The following COL6A3 variants were observed in gnomAD, a reference collection of about 807,000 sequenced individuals.
The protein encoded by COL6A3 is collagen alpha-3(VI) chain.
In COL6A3, 137 loss-of-function variants were observed where a neutral mutation model predicts 274.1. The observed-to-expected ratio is 0.50, with a 90% CI of 0.44 to 0.58. COL6A3 has a LOEUF of 0.58. COL6A3 is among the 20% of genes least tolerant of loss of function. The pLI is 0.00. For synonymous variants in COL6A3, 1,650 were observed against 1,650.6 expected, an observed-to-expected ratio of 1.00 and a Z score of 0.01; for missense variants, 3,950 against 4,124.9, an observed-to-expected ratio of 0.96 and a Z score of 1.16.
chr2:237,351,731 C>A (rs551007481), intron 26 of COL6A3, among the ~76,000 whole-genome samples: 1 of 152,332 alleles, frequency 6.6e-6, no homozygotes, highest in Non-Finnish European at 1.5e-5. Flanking sequence ...AGCTTTGCAT[C>A]TATACCATCT....
At chr2:237,329,581 C>T (rs1700119046) in intron 42 of COL6A3, 1 of 152,212 alleles carries the variant, frequency 6.6e-6, no homozygotes, top group Admixed American at 6.5e-5. Flanking sequence ...CTTACTTCAG[C>T]TGTGGGATTA....
At chr2:237,330,974 A>G (rs149701964) in intron 42 of COL6A3, among the ~76,000 whole-genome samples, 1 of 152,368 alleles carries the variant, frequency 6.6e-6, no homozygotes, top group African/African-American at 2.4e-5. Flanking sequence ...TTCTTAAGAC[A>G]GCATCTTTTA....
chr2:237,385,222 C>A (rs1432753678), intron 4 of COL6A3, among the ~76,000 whole-genome samples: 2 of 152,166 alleles, frequency 1.3e-5, no homozygotes, highest in Non-Finnish European at 2.9e-5. Context: ...AACAGACGAG[C>A]AGCCACATCT....
In COL6A3 at chr2:237,387,666, C is replaced by A. The variant is rs35914491; in HGVS notation, c.1228G>T (p.Asp410Tyr). The A allele has an allele frequency of 4.3e-6, 7 of 1,613,674 alleles. No homozygotes were observed. The highest frequency in any genetic ancestry group is 5.9e-6 in the Non-Finnish European group (7 of 1,179,860). The change falls in exon 4 of 44, where the codon GAC becomes TAC. Residue 410 changes from aspartate to tyrosine, a missense_variant. Around this residue, in one of 5 missense-constraint regions of COL6A3, gnomAD observed 1,934 missense variants for 1,984.3 expected, o/e 0.97. Coordinates refer to ENST00000295550, the MANE Select transcript of COL6A3 (RefSeq NM_004369.4). ...FTVPEFRSFG[D>Y]LQEKLLPYIV... is the part of the protein sequence containing the mutation. ...TACGGCAGTAATTTCTCCTGGAGGT[C>A]CCCAAAGCTACGGAATTCCGGGACA... is the stretch of plus-strand genomic sequence containing the variant.
intron 2 of COL6A3, among the ~76,000 whole-genome samples, chr2:237,395,489 GT>G (rs921238605): frequency 6.6e-6 from 1 of 152,178 alleles, no homozygotes; most frequent in African/African-American, 2.4e-5. Context: ...TTCCTGGGCT[GT>G]CTTTAACTCA....
rs1259104647 is a variant in COL6A3, at chr2:237,341,158, G to C, written c.7766-8C>G. The C allele has an allele frequency of 6.2e-7, 1 of 1,613,488 alleles. No individual in the cohort carries two copies. On this transcript the variant is annotated splice_region_variant and splice_polypyrimidine_tract_variant and intron_variant, in intron 37 of 43. Coordinates refer to ENST00000295550, the MANE Select transcript of COL6A3 (RefSeq NM_004369.4). ...GGTCGATGTTGCAGATGTCTAGAAA[G>C]AAGCATGGCAGCCTATTTGTTCTGT...
chr2:237,358,257 A>G (rs2077361270), intron 21 of COL6A3, among the ~76,000 whole-genome samples: 1 of 152,222 alleles, frequency 6.6e-6, no homozygotes, highest in African/African-American at 2.4e-5. Flanking sequence ...TCTCTTTTCC[A>G]AAAGCAAATT....
rs1469391919 is a variant in COL6A3 at position 237,340,477 on chromosome 2, C to T, written c.8439G>A (p.Gly2813=). The stretch of plus-strand genomic sequence containing the variant: ...TGCTGACGAAGGATGGCAACAGCCT[C>T]CCGAAGCGCATCAAAGGCTCCTCGT... The part of the protein sequence containing the change: ...ELNEEPLMRF[G]RLLPSFVSSE... The change falls in exon 38 of 44, where the codon GGG becomes GGA. Residue 2813 remains glycine (G), a synonymous_variant. Coordinates refer to ENST00000295550, the MANE Select transcript of COL6A3 (RefSeq NM_004369.4). 6.2e-7 allele frequency: 1 copy of T among 1,613,614 alleles called. No homozygotes were observed. Among genetic ancestry groups the T allele is most frequent in the East Asian group, 2.2e-5 (1 of 44,876 alleles).
Position 237,324,709 on chromosome 2 carries a change from A to C in COL6A3, c.*65T>G. The C allele has an allele frequency of 2.7e-5, 40 of 1,503,756 alleles. No individual in the cohort carries two copies. The highest frequency in any genetic ancestry group is 3.5e-5 in the Non-Finnish European group (38 of 1,080,510). The allele number at this position is 1,503,756 out of a possible 1,614,324, so 93.2% of individuals were successfully genotyped here. On this transcript the variant is annotated 3_prime_UTR_variant, in exon 44 of 44. Coordinates refer to ENST00000295550, the MANE Select transcript of COL6A3 (RefSeq NM_004369.4). ...GGGAATCTACACCCGGAGCTTCTAC[A>C]GAGACAAGTTGGCGATGGCTGACTC...
chr2:237,333,334 CT>C, intron 42 of COL6A3, 115 bp downstream of exon 42: 11 of 924,308 alleles, frequency 1.2e-5, no homozygotes, highest in East Asian at 2.5e-5. Flanking sequence ...TGACGTGGAC[CT>C]TTTCCCCCAT....
intron 38 of COL6A3, among the ~76,000 whole-genome samples, chr2:237,339,859 C>T (rs1039310041): frequency 6.6e-6 from 1 of 152,130 alleles, no homozygotes; most frequent in East Asian, 1.9e-4. Flanking sequence ...ATAGGGTGTC[C>T]GGATTAACCA....
intron 1 of COL6A3, among the ~76,000 whole-genome samples, chr2:237,410,130 G>T (rs1456183542): frequency 6.6e-6 from 1 of 152,000 alleles, no homozygotes; most frequent in Non-Finnish European, 1.5e-5. Flanking sequence ...TGCTGAGATG[G>T]TCATCACTGA....
rs1208313581 is a variant in COL6A3 at position 237,413,242 on chromosome 2, G to C, written c.-31+711C>G. Among the ~76,000 whole-genome samples the C allele has an allele frequency of 6.6e-6, 1 of 152,222 alleles. No individual in the cohort carries two copies. Among genetic ancestry groups the C allele is most frequent in the African/African-American group, 2.4e-5 (1 of 41,468 alleles). On this transcript the variant is annotated intron_variant, in intron 1 of 43. Coordinates refer to ENST00000295550, the MANE Select transcript of COL6A3 (RefSeq NM_004369.4). The surrounding 1 kb of genome is among the most constrained non-coding windows in gnomAD (Gnocchi z 4.0). ...CCAGGGGCCCTGCCTTAGACACTCA[G>C]CATGCTGCCCAAATGCCCAATTCCT...
rs1294773363 is a variant in COL6A3, at chr2:237,405,815, G to T, written c.-31+8138C>A. 2.6e-5 allele frequency among the ~76,000 whole-genome samples: 4 copies of T among 152,090 alleles called. No homozygotes were observed. In the East Asian group the frequency reaches 7.7e-4, roughly 29 times the overall value. On this transcript the variant is annotated intron_variant, in intron 1 of 43. Transcript: ENST00000295550. ...CCCCATGCCTTTTGGGGAAAAAATA[G>T]ACTTCCTTGGTGGTGACACACCACA...
chr2:237,340,110 C>T (rs150292490), intron 38 of COL6A3, among the ~76,000 whole-genome samples: 1 of 152,306 alleles, frequency 6.6e-6, no homozygotes, highest in East Asian at 1.9e-4. Context: ...TCGCGACATG[C>T]CAGCCTATTA....
intron 7 of COL6A3, among the ~76,000 whole-genome samples, chr2:237,376,370 T>A (rs2077840432): frequency 6.6e-6 from 1 of 152,218 alleles, no homozygotes; most frequent in Non-Finnish European, 1.5e-5. Context: ...AATGAAGGAA[T>A]TATAACAATA....
At position 237,364,462 on chromosome 2, in the gene COL6A3, A is replaced by C; in HGVS notation, c.5839-34T>G. 3.9e-6 allele frequency: 6 copies of C among 1,532,680 alleles called. No homozygotes were observed. The highest frequency in any genetic ancestry group is 5.4e-6 in the Non-Finnish European group (6 of 1,106,414). 94.9% of individuals were successfully genotyped at this position (1,532,680 alleles called of 1,614,324 possible). A position where few individuals can be genotyped will look rare whatever the true frequency, so the allele number is the denominator to read the frequency against. On this transcript the variant is annotated intron_variant, in intron 12 of 43. Coordinates refer to ENST00000295550, the MANE Select transcript of COL6A3 (RefSeq NM_004369.4). This position sits in a 1 kb window ranked among gnomAD's most constrained non-coding sequence, Gnocchi z 4.6. ...AAGAGAGCTGTCAAATCCCAGGAAA[A>C]CTAAAAAGGAGTGTTGCAGACTGCT...
intron 9 of COL6A3, among the ~76,000 whole-genome samples, chr2:237,369,602 C>T (rs569195176): frequency 3.3e-5 from 5 of 152,300 alleles, no homozygotes; most frequent in East Asian, 1.9e-4. Context: ...CAAAGGTTCT[C>T]GCCTTGTCCA....
At chr2:237,353,491 A>T (rs1316725665) in intron 24 of COL6A3, 88 bp from the exon 25 acceptor site, 2 of 1,200,656 alleles carry the variant, frequency 1.7e-6, no homozygotes, top group Non-Finnish European at 2.4e-6. Context: ...TGGGCCAGGG[A>T]CTTGGAAAGC....
Sources: gnomAD v4.1 joint callset for allele counts (sites outside exome capture counted in the v4.1 genomes callset) on GRCh38, gnomAD v4.1.1 for gene constraint, gnomAD v4.1.1 regional missense constraint, Gnocchi (gnomAD v3.1) non-coding constraint, MANE v1.5 for transcripts, NCBI Gene and HGNC (gene_info 2026-07-23, HGNC 2026-07-21) for gene names.